WDR70: variants seen among roughly 807,000 people sequenced by gnomAD.
The protein encoded by WDR70 is WD repeat domain 70.
Under a neutral mutation model 88.6 loss-of-function variants are expected in WDR70, and 53 were observed. That is an observed-to-expected ratio of 0.60 (90% confidence interval 0.48 to 0.75). WDR70 has a LOEUF of 0.75. Ranked by LOEUF, WDR70 falls within the 30% of genes least tolerant of loss-of-function variation. The pLI is 0.00. For missense variants in WDR70, 610 were observed against 823.2 expected (o/e 0.74, Z 3.17); for synonymous variants, 280 against 270.0 (o/e 1.04, Z -0.36).
intron 9 of WDR70, among the ~76,000 whole-genome samples, chr5:37,555,766 T>C (rs1452084978): frequency 2.0e-5 from 3 of 152,176 alleles, no homozygotes; most frequent in Non-Finnish European, 2.9e-5. Flanking sequence ...TTGCCCAGGC[T>C]GTAGTGCAGT....
At position 37,480,567 on chromosome 5, in the gene WDR70, C is replaced by G. The variant is rs1739632602; in HGVS notation, c.840+580C>G. On this transcript the variant is annotated intron_variant, in intron 8 of 17. Coordinates refer to ENST00000265107, the MANE Select transcript of WDR70 (RefSeq NM_018034.4). Reference sequence around the variant, plus strand: ...GGGGAACTCCCATTTATAAAACCATCAGATCTCATGAGACTTATTCACTAC... The same window carrying G: ...GGGGAACTCCCATTTATAAAACCATGAGATCTCATGAGACTTATTCACTAC... Among the ~76,000 whole-genome samples the G allele has an allele frequency of 3.3e-5, 5 of 152,190 alleles. No individual in the cohort carries two copies. In the South Asian group the frequency reaches 1.0e-3, roughly 32 times the overall value.
At chr5:37,460,893 A>C (rs1405259408) in intron 7 of WDR70, among the ~76,000 whole-genome samples, 1 of 151,814 alleles carries the variant, frequency 6.6e-6, no homozygotes, top group Non-Finnish European at 1.5e-5. Context: ...TTAAAAACTA[A>C]ATATGAGATT....
chr5:37,749,363 CG>C (rs1370451383), intron 17 of WDR70, among the ~76,000 whole-genome samples: 9 of 152,076 alleles, frequency 5.9e-5, no homozygotes, highest in Admixed American at 5.9e-4. Context: ...GAAAACCAAA[CG>C]CCTCATGTTC....
intron 9 of WDR70, among the ~76,000 whole-genome samples, chr5:37,544,526 TATAAA>T (rs1741931719): frequency 6.6e-6 from 1 of 152,204 alleles, no homozygotes; most frequent in Admixed American, 6.5e-5. Context: ...AAAGATGAAT[TATAAA>T]ATTAAAGTTT....
chr5:37,602,475 C>T (rs145467576), intron 9 of WDR70, among the ~76,000 whole-genome samples: 5,689 of 151,628 alleles, frequency 0.038, 359 homozygotes, highest in African/African-American at 0.13. Flanking sequence ...GGCAAGGTGG[C>T]GGGCGCCTGT....
At chr5:37,701,863 C>G (rs757088482) in intron 12 of WDR70, among the ~76,000 whole-genome samples, 1 of 151,802 alleles carries the variant, frequency 6.6e-6, no homozygotes, top group Non-Finnish European at 1.5e-5. Context: ...TATAGTACAG[C>G]TTATTTTCTC....
intron 5 of WDR70, among the ~76,000 whole-genome samples, chr5:37,422,446 T>TA (rs1201852160): frequency 1.3e-5 from 2 of 151,788 alleles, no homozygotes; most frequent in African/African-American, 4.8e-5. Context: ...CATGAACCTC[T>TA]ATGCCTGGCT....
intron 7 of WDR70, among the ~76,000 whole-genome samples, chr5:37,448,453 A>T (rs1738568067): frequency 6.6e-6 from 1 of 152,124 alleles, no homozygotes; most frequent in South Asian, 2.1e-4. Flanking sequence ...CTTTTGATGG[A>T]AAGAGGTAGA....
chr5:37,541,660 G>A (rs1444943218), intron 9 of WDR70, among the ~76,000 whole-genome samples: 1 of 152,054 alleles, frequency 6.6e-6, no homozygotes. Context: ...TTAAAAAGGT[G>A]GGCATGGAGA....
At chr5:37,506,075 T>C in intron 8 of WDR70, 1 of 1,297,794 alleles carries the variant, frequency 7.7e-7, no homozygotes, top group Non-Finnish European at 1.1e-6. Flanking sequence ...GATCACCTCA[T>C]TCAAGATTTG....
intron 13 of WDR70, among the ~76,000 whole-genome samples, chr5:37,712,797 G>A (rs2112680520): frequency 6.6e-6 from 1 of 152,186 alleles, no homozygotes; most frequent in African/African-American, 2.4e-5. Context: ...CACCTCCTGG[G>A]TTCGAGTGAT....
intron 5 of WDR70, 66 bp downstream of exon 5, chr5:37,396,636 G>GCTAAACTGTTTTTCATGA: frequency 6.8e-7 from 1 of 1,462,642 alleles, no homozygotes; most frequent in Non-Finnish European, 9.0e-7. Flanking sequence ...GATCAGTTCT[G>GCTAAACTGTTTTTCATGA]CTAAACTGTT....
intron 9 of WDR70, among the ~76,000 whole-genome samples, chr5:37,542,799 A>C (rs1741868341): frequency 6.6e-6 from 1 of 152,198 alleles, no homozygotes; most frequent in African/African-American, 2.4e-5. Flanking sequence ...CAGTTGGGGA[A>C]ATTTTTATTA....
intron 3 of WDR70, among the ~76,000 whole-genome samples, chr5:37,387,098 TAAAA>T (rs34087509): frequency 7.1e-6 from 1 of 140,228 alleles, no homozygotes; most frequent in Non-Finnish European, 1.6e-5. Flanking sequence ...AAACTCTGTC[TAAAA>T]AAAAAAAAAA....
intron 5 of WDR70, among the ~76,000 whole-genome samples, chr5:37,410,199 T>G (rs1749481747): frequency 6.6e-6 from 1 of 150,490 alleles, no homozygotes; most frequent in Non-Finnish European, 1.5e-5. Flanking sequence ...GTTAGTTTTT[T>G]TTTTTTTTTT....
rs563530493 is a variant in WDR70 at position 37,662,215 on chromosome 5, C to T, written c.1093-35440C>T. On this transcript the variant is annotated intron_variant, in intron 10 of 17. Coordinates refer to ENST00000265107, the MANE Select transcript of WDR70 (RefSeq NM_018034.4). ...GAATAGCCTTTCAGAACATGACATACTGGTAAACAGCAAAGCTTCAGTGTT... is the reference window on the plus strand; with the variant it reads ...GAATAGCCTTTCAGAACATGACATATTGGTAAACAGCAAAGCTTCAGTGTT... Among the ~76,000 whole-genome samples the T allele has an allele frequency of 3.9e-5, 6 of 152,318 alleles. No individual in the cohort carries two copies. In the South Asian group the frequency reaches 1.2e-3, roughly 32 times the overall value.
At chr5:37,689,504 C>T (rs756211571) in intron 10 of WDR70, among the ~76,000 whole-genome samples, 11 of 152,162 alleles carry the variant, frequency 7.2e-5, no homozygotes, top group Non-Finnish European at 1.0e-4. Context: ...GATCAGGCTG[C>T]AATATTTGCT....
intron 10 of WDR70, among the ~76,000 whole-genome samples, chr5:37,693,746 A>G (rs912518279): frequency 1.1e-4 from 17 of 152,362 alleles, no homozygotes; most frequent in Admixed American, 1.0e-3. Context: ...CTAAAACCAT[A>G]AAAACCCTAG....
At chr5:37,492,665 G>A (rs1740100887) in intron 8 of WDR70, among the ~76,000 whole-genome samples, 2 of 152,156 alleles carry the variant, frequency 1.3e-5, no homozygotes, top group South Asian at 4.1e-4. Flanking sequence ...CAGAACTTGT[G>A]AATGATGAAT....
Sources: gnomAD v4.1 joint callset for allele counts (sites outside exome capture counted in the v4.1 genomes callset) on GRCh38, gnomAD v4.1.1 for gene constraint, MANE v1.5 for transcripts, NCBI Gene and HGNC (gene_info 2026-07-23, HGNC 2026-07-21) for gene names.